Variants in PRP4K observed in about 807,000 individuals in gnomAD.
PRP4K encodes serine/threonine-protein kinase PRP4 homolog.
the PRP4K span, chr6:4,060,429 T>G: frequency 1.9e-6 from 3 of 1,613,872 alleles, no homozygotes; most frequent in Non-Finnish European, 1.7e-6. This position sits in a 1 kb window ranked among gnomAD's most constrained non-coding sequence, Gnocchi z 4.7. Flanking sequence ...GTTACTGTTA[T>G]GAGCACCATT....
the PRP4K span, among the ~76,000 whole-genome samples, chr6:4,024,878 A>G: frequency 2.0e-5 from 3 of 152,182 alleles, no homozygotes; most frequent in Admixed American, 6.5e-5. Flanking sequence ...TGTTGGGATT[A>G]CAGTCATAAG....
the PRP4K span, chr6:4,056,744 G>A: frequency 6.7e-7 from 1 of 1,495,366 alleles, no homozygotes; most frequent in Non-Finnish European, 9.0e-7. Context: ...CTGTTGCCTT[G>A]GTTGAGGCTG....
At chr6:4,021,307 A>T in the PRP4K span, 1 of 1,377,656 alleles carries the variant, frequency 7.3e-7, no homozygotes, top group Non-Finnish European at 1.0e-6. Context: ...CTCAGAACCC[A>T]GCTCTTCCCT....
chr6:4,035,741 G>A, the PRP4K span, among the ~76,000 whole-genome samples: 1 of 152,156 alleles, frequency 6.6e-6, no homozygotes, highest in Non-Finnish European at 1.5e-5. Context: ...GCTGAGACGG[G>A]TGGATCACCT....
chr6:4,040,762 C>T, the PRP4K span: 1 of 1,611,362 alleles, frequency 6.2e-7, no homozygotes, highest in Non-Finnish European at 8.5e-7. Context: ...GTCTTTTCTT[C>T]TTTAAATAGG....
chr6:4,034,786 C>T, the PRP4K span, among the ~76,000 whole-genome samples: 2 of 151,692 alleles, frequency 1.3e-5, no homozygotes, highest in Non-Finnish European at 2.9e-5. Flanking sequence ...GGTCTCGGCT[C>T]ACTGCAACCT....
At chr6:4,041,046 G>A in the PRP4K span, 1 of 1,087,730 alleles carries the variant, frequency 9.2e-7, no homozygotes, top group Non-Finnish European at 1.3e-6. Flanking sequence ...ATTTGGCTCT[G>A]AATTTAAAAG....
chr6:4,054,305 A>G, the PRP4K span, among the ~76,000 whole-genome samples: 480 of 152,014 alleles, frequency 3.2e-3, 2 homozygotes, highest in African/African-American at 0.011. Context: ...TTTTTTGTTA[A>G]TATCTTAAAA....
At chr6:4,045,037 A>G in the PRP4K span, among the ~76,000 whole-genome samples, 1 of 151,354 alleles carries the variant, frequency 6.6e-6, no homozygotes. Flanking sequence ...TAATTTTTGT[A>G]TTTTTAGTAG....
At chr6:4,040,431 A>C in the PRP4K span, among the ~76,000 whole-genome samples, 1 of 152,152 alleles carries the variant, frequency 6.6e-6, no homozygotes, top group Non-Finnish European at 1.5e-5. Flanking sequence ...TGCTGTACGA[A>C]TACAAAGAAA....
chr6:4,058,592 G>A, the PRP4K span: 4 of 691,638 alleles, frequency 5.8e-6, no homozygotes, highest in South Asian at 5.3e-5. Flanking sequence ...GAATTCCTGG[G>A]ATCAAGGGAA....
At chr6:4,052,553 G>A in the PRP4K span, among the ~76,000 whole-genome samples, 3 of 152,126 alleles carry the variant, frequency 2.0e-5, no homozygotes, top group Admixed American at 6.5e-5. Context: ...AATTTGATAT[G>A]CTCTCCTTTC....
chr6:4,041,398 A>G, the PRP4K span, among the ~76,000 whole-genome samples: 1 of 150,782 alleles, frequency 6.6e-6, no homozygotes, highest in Non-Finnish European at 1.5e-5. Flanking sequence ...CCCTGTCTCT[A>G]CAAAAAATAC....
the PRP4K span, among the ~76,000 whole-genome samples, chr6:4,047,480 C>T: frequency 6.6e-5 from 10 of 152,174 alleles, no homozygotes; most frequent in South Asian, 2.1e-4. Context: ...AGTCAAACAC[C>T]AAATGATAAA....
At chr6:4,058,646 T>C in the PRP4K span, 3 of 985,198 alleles carry the variant, frequency 3.0e-6, no homozygotes, top group Non-Finnish European at 4.7e-6. Flanking sequence ...ACATACTTAT[T>C]TGACTTATTG....
At chr6:4,038,926 TTTTC>T in the PRP4K span, among the ~76,000 whole-genome samples, 12 of 151,258 alleles carry the variant, frequency 7.9e-5, no homozygotes, top group South Asian at 6.3e-4. Flanking sequence ...GTGCTTTTTT[TTTTC>T]TTTCTTTCTT....
the PRP4K span, chr6:4,032,275 G>A: frequency 1.1e-5 from 17 of 1,612,976 alleles, no homozygotes; most frequent in Non-Finnish European, 1.4e-5. Flanking sequence ...GAGAAAATTG[G>A]TAAGGCCAGA....
At chr6:4,039,890 C>T in the PRP4K span, among the ~76,000 whole-genome samples, 1 of 147,392 alleles carries the variant, frequency 6.8e-6, no homozygotes, top group Admixed American at 6.9e-5. Context: ...CCTCTCCCCT[C>T]TCCCTTCTCC....
chr6:4,032,797 G>T, the PRP4K span: 1 of 1,451,962 alleles, frequency 6.9e-7, no homozygotes, highest in South Asian at 1.7e-5. Context: ...ACCAGTGCAT[G>T]AGATTTTAAA....
Sources: allele counts gnomAD v4.1 joint callset (sites outside exome capture counted in the v4.1 genomes callset), GRCh38; gene constraint gnomAD v4.1.1; non-coding constraint Gnocchi (gnomAD v3.1); transcripts MANE v1.5; gene names NCBI Gene and HGNC (gene_info 2026-07-23, HGNC 2026-07-21).